FBXL18: variants seen among roughly 807,000 people sequenced by gnomAD.
The protein encoded by FBXL18 is F-box/LRR-repeat protein 18.
FBXL18 carries 36 observed loss-of-function variants against 46.0 expected under a neutral mutation model. The observed-to-expected ratio is 0.78, with a 90% confidence interval of 0.60 to 1.03. The LOEUF is 1.03. FBXL18 is among the 50% of genes least tolerant of loss of function. The pLI, the probability that FBXL18 is intolerant of heterozygous loss-of-function variation, is 0.00. For synonymous variants in FBXL18, 557 were observed against 465.3 expected (o/e 1.20, Z -2.54); for missense variants, 977 against 1,004.1 (o/e 0.97, Z 0.36).
chr7:5,511,006 T>C (rs1321843601), intron 1 of FBXL18, among the ~76,000 whole-genome samples: 1 of 152,234 alleles, frequency 6.6e-6, no homozygotes, highest in Non-Finnish European at 1.5e-5. Context: ...TCAGAATATG[T>C]AACATTTCAC....
Position 5,501,039 on chromosome 7 carries a change from G to A in FBXL18, c.1230C>T (p.Ala410=). ...AGAGGGAGCGCAGGTGACGCAGCCG[G>A]GCCAGGAGCTGGCAGAGGTGGCGGC... ...GLGRHLCQLL[A]RLRHLRSLSL... is the part of the protein sequence containing the mutation. The change falls in exon 3 of 5, where the codon GCC becomes GCT. Residue 410 remains alanine, a synonymous_variant. Transcript: ENST00000382368. The A allele has an allele frequency of 1.9e-6, 3 of 1,606,644 alleles. No individual in the cohort carries two copies. Among genetic ancestry groups the A allele is most frequent in the African/African-American group, 1.3e-5 (1 of 74,968 alleles).
intron 4 of FBXL18, among the ~76,000 whole-genome samples, chr7:5,463,742 T>TA (rs1783298749): frequency 1.4e-5 from 1 of 72,974 alleles, no homozygotes; most frequent in African/African-American, 5.0e-5. Flanking sequence ...TTTTTTTTTT[T>TA]TTTTTTTTTT....
intron 4 of FBXL18, among the ~76,000 whole-genome samples, chr7:5,461,925 T>C (rs1019704253): frequency 1.4e-5 from 2 of 139,282 alleles, no homozygotes; most frequent in Non-Finnish European, 3.1e-5. Context: ...TGGGAGACAG[T>C]GCAAGACTCC....
Position 5,500,623 on chromosome 7 carries a change from C to T in FBXL18, c.1646G>A (p.Gly549Glu). 6.2e-7 allele frequency: 1 copy of T among 1,613,204 alleles called. No individual in the cohort carries two copies. The highest frequency in any genetic ancestry group is 1.1e-5 in the South Asian group (1 of 91,060). The change falls in exon 3 of 5, where the codon GGG (glycine) becomes GAG (glutamate). Residue 549 changes from glycine to glutamate, a missense_variant. By Grantham distance (98) the Gly-to-Glu change is moderately conservative. Transcript: ENST00000382368. The part of the protein sequence containing the change: ...AQLPSVLTGS[G>E]LVNIGLQCQQ... ...GCACTGCAGGCCGATATTGACCAGC[C>T]CGGAGCCCGTAAGGACGCTGGGCAG... is the stretch of plus-strand genomic sequence containing the variant.
chr7:5,495,868 C>A, intron 3 of FBXL18: 2 of 480,620 alleles, frequency 4.2e-6, no homozygotes, highest in South Asian at 1.5e-5. Flanking sequence ...ACAGGCAGTA[C>A]CCAGCTCAGA....
chr7:5,459,387 G>A (rs1024138907), intron 4 of FBXL18, among the ~76,000 whole-genome samples: 2 of 152,158 alleles, frequency 1.3e-5, no homozygotes, highest in African/African-American at 2.4e-5. Flanking sequence ...TGGATCACCC[G>A]AGGTCAGGAG....
At chr7:5,464,266 G>A (rs935827449) in intron 4 of FBXL18, among the ~76,000 whole-genome samples, 13 of 151,962 alleles carry the variant, frequency 8.6e-5, no homozygotes, top group Non-Finnish European at 1.9e-4. Flanking sequence ...ATCACCTGAG[G>A]TCAGGAGTTC....
chr7:5,502,954 C>T (rs898083964), intron 2 of FBXL18, among the ~76,000 whole-genome samples: 1 of 152,354 alleles, frequency 6.6e-6, no homozygotes, highest in Admixed American at 6.5e-5. Flanking sequence ...GAGACTCAGC[C>T]TCCCTACTCT....
Position 5,455,720 on chromosome 7 carries a change from T to C in FBXL18, c.2001-7877A>G, listed in dbSNP as rs1783162951. 6.6e-6 allele frequency among the ~76,000 whole-genome samples: 1 copy of C among 151,660 alleles called. No individual in the cohort carries two copies. Among genetic ancestry groups the C allele is most frequent in the South Asian group, 2.1e-4 (1 of 4,802 alleles). ...AGTGGGAAACAGAACTTTTTGGATG[T>C]CCCTAGATGGTGCCTCCCCCCCACC... On this transcript the variant is annotated intron_variant and NMD_transcript_variant, in intron 4 of 6. Transcript: ENST00000415009. This position sits in a 1 kb window ranked among gnomAD's most constrained non-coding sequence, Gnocchi z 4.6.
At chr7:5,472,909 G>A (rs933657466), downstream of FBXL18, among the ~76,000 whole-genome samples, 3 of 152,078 alleles carry the variant, frequency 2.0e-5, no homozygotes, top group South Asian at 6.2e-4. Flanking sequence ...CAGCCTTGGC[G>A]CTCCTCTCCC....
intron 4 of FBXL18, among the ~76,000 whole-genome samples, chr7:5,467,741 G>A (rs927590039): frequency 7.9e-5 from 12 of 152,004 alleles, no homozygotes; most frequent in Non-Finnish European, 5.9e-5. Flanking sequence ...CGCTCCAGCC[G>A]TTTCACTAAG....
chr7:5,486,877 G>A (rs1783790046), intron 4 of FBXL18, among the ~76,000 whole-genome samples: 1 of 152,242 alleles, frequency 6.6e-6, no homozygotes, highest in Middle Eastern at 3.2e-3. Flanking sequence ...GAGGACGGGT[G>A]AGCCGCACAA....
At chr7:5,465,635 TCAAAAATAAAAATAAA>T (rs1215392084) in intron 4 of FBXL18, among the ~76,000 whole-genome samples, 14 of 151,690 alleles carry the variant, frequency 9.2e-5, no homozygotes, top group African/African-American at 3.4e-4. Context: ...AGACTGTGTC[TCAAAAATAAAAATAAA>T]CAAAAATAAA....
At position 5,478,657 on chromosome 7, in the gene FBXL18, G is replaced by A. The variant is rs542205233; in HGVS notation, c.*3118C>T. 5.2e-5 allele frequency: 8 copies of A among 152,522 alleles called. No homozygotes were observed. The highest frequency in any genetic ancestry group is 4.6e-4 in the Admixed American group (7 of 15,298). 9.4% of individuals were successfully genotyped at this position (152,522 alleles called of 1,614,324 possible). ...CCTCCTCCCTCCCTCCAACCCCACAGTCTCTCCCTCACATACACACACGGA... is the reference window on the plus strand; with the variant it reads ...CCTCCTCCCTCCCTCCAACCCCACAATCTCTCCCTCACATACACACACGGA... On this transcript the variant is annotated 3_prime_UTR_variant, in exon 5 of 5. Coordinates refer to ENST00000382368, the MANE Select transcript of FBXL18 (RefSeq NM_024963.6).
At chr7:5,489,983 A>G in intron 4 of FBXL18, 45 of 1,284,002 alleles carry the variant, frequency 3.5e-5, no homozygotes, top group Non-Finnish European at 4.4e-5. Context: ...GCATAGTCTA[A>G]ATTTTTAAAA....
At chr7:5,490,213 C>G in intron 4 of FBXL18, 1 of 1,338,582 alleles carries the variant, frequency 7.5e-7, no homozygotes, top group Non-Finnish European at 1.0e-6. Context: ...CTCTCCCCAC[C>G]TGCAGGGACA....
chr7:5,469,327 G>A lies in FBXL18; in HGVS notation c.2001-21484C>T, dbSNP rs111664735. ...CTCGGGAGGCTGAGGCAGAAGAATC[G>A]CTTGAACTCCGGAGGTGGAGGTTGC... On this transcript the variant is annotated intron_variant and NMD_transcript_variant, in intron 4 of 6. Transcript: ENST00000415009. Among the ~76,000 whole-genome samples the A allele has an allele frequency of 1.4e-4, 22 of 152,322 alleles. 1 individual carries two copies. The highest frequency in any genetic ancestry group is 4.6e-4 in the African/African-American group (19 of 41,574).
intron 1 of FBXL18, among the ~76,000 whole-genome samples, chr7:5,507,330 G>C (rs1784418479): frequency 2.0e-5 from 3 of 152,134 alleles, no homozygotes; most frequent in Non-Finnish European, 1.5e-5. Flanking sequence ...TCTCCAGACA[G>C]GATTCCCATC....
Position 5,500,942 on chromosome 7 carries a change from C to T in FBXL18, c.1327G>A (p.Ala443Thr), listed in dbSNP as rs763196000. ...TTCTTGCCAAAGCCGCGCGGCACTG[C>T]GTGCATGGCCGGCTGGGCGGGCGCG... ...DRAPAQPAMH[A>T]VPRGFGKKVR... Residue 443 changes from alanine to threonine, a missense_variant, in exon 3 of 5, where the codon GCA (alanine) becomes ACA (threonine). Physicochemically the swap from Ala to Thr is moderately conservative, Grantham distance 58. Transcript: ENST00000382368. 10 of 1,543,822 alleles carry T rather than the reference C, an allele frequency of 6.5e-6. No homozygotes were observed. The African/African-American group carries it at 1.1e-4, about 17-fold the overall frequency.
Sources: gnomAD v4.1 joint callset for allele counts (sites outside exome capture counted in the v4.1 genomes callset) on GRCh38, gnomAD v4.1.1 for gene constraint, Gnocchi (gnomAD v3.1) non-coding constraint, MANE v1.5 for transcripts, NCBI Gene and HGNC (gene_info 2026-07-23, HGNC 2026-07-21) for gene names.